Variants in ARAP2 observed in about 807,000 individuals in gnomAD.
The protein encoded by ARAP2 is arf-GAP with Rho-GAP domain, ANK repeat and PH domain-containing protein 2.
In ARAP2, 148 loss-of-function variants were observed where a neutral mutation model predicts 194.5. The observed-to-expected ratio is 0.76, with a 90% confidence interval of 0.67 to 0.87. ARAP2 has a LOEUF of 0.87. ARAP2 is among the 40% of genes least tolerant of loss of function. ARAP2 has a pLI of 0.00. For synonymous variants in ARAP2, 695 were observed against 683.5 expected, an observed-to-expected ratio of 1.02 and a Z score of -0.26; for missense variants, 2,128 against 1,989.7, an observed-to-expected ratio of 1.07 and a Z score of -1.32.
chr4:36,198,889 C>T (rs1380131470), intron 6 of ARAP2, among the ~76,000 whole-genome samples: 2 of 152,202 alleles, frequency 1.3e-5, no homozygotes, highest in African/African-American at 4.8e-5. Context: ...AGCTTCCAGC[C>T]TCCACCAAGA....
chr4:36,059,063 G>T (rs1223479752), intron 1 of ARAP2, among the ~76,000 whole-genome samples: 1 of 152,094 alleles, frequency 6.6e-6, no homozygotes, highest in Non-Finnish European at 1.5e-5. Flanking sequence ...GTGATGCTGA[G>T]GAACAGTATG....
At chr4:36,228,441 T>G (rs921573503) in intron 2 of ARAP2, 141 bp downstream of exon 2, 3 of 888,870 alleles carry the variant, frequency 3.4e-6, no homozygotes, top group African/African-American at 1.7e-5. Flanking sequence ...GATGAAGACT[T>G]TTTTTTTAAA....
At chr4:36,121,454 AC>A in intron 22 of ARAP2, 128 bp from the exon 23 acceptor site, 1 of 772,536 alleles carries the variant, frequency 1.3e-6, no homozygotes. Context: ...TACAGTGGTG[AC>A]TTAAAAGCAT....
At chr4:36,079,574 T>C (rs1046805114) in intron 31 of ARAP2, among the ~76,000 whole-genome samples, 1 of 152,166 alleles carries the variant, frequency 6.6e-6, no homozygotes, top group African/African-American at 2.4e-5. Flanking sequence ...ACTATATAAC[T>C]GTTCCTCAAA....
chr4:36,220,045 C>T (rs984756863), intron 2 of ARAP2, among the ~76,000 whole-genome samples: 3 of 152,144 alleles, frequency 2.0e-5, no homozygotes, highest in Non-Finnish European at 4.4e-5. Flanking sequence ...TATAAAGCTG[C>T]AATTGTTTCC....
At chr4:36,208,787 T>C (rs568709753) in intron 6 of ARAP2, among the ~76,000 whole-genome samples, 1 of 152,128 alleles carries the variant, frequency 6.6e-6, no homozygotes, top group South Asian at 2.1e-4. Context: ...CCAAGCCCCT[T>C]GGTTTATTTT....
chr4:36,079,304 G>A (rs560094956), intron 31 of ARAP2, among the ~76,000 whole-genome samples: 1 of 152,028 alleles, frequency 6.6e-6, no homozygotes, highest in Admixed American at 6.6e-5. Flanking sequence ...ATGGTAGAGA[G>A]ACAGGCTGAG....
At chr4:36,038,298 G>A (rs61795347) in intron 5 of ARAP2, among the ~76,000 whole-genome samples, 11,174 of 152,200 alleles carry the variant, frequency 0.073, 562 homozygotes, top group Middle Eastern at 0.19. Flanking sequence ...TTAGATAAAA[G>A]TACTACTTGT....
At chr4:36,218,445 A>G (rs1211135807) in intron 2 of ARAP2, among the ~76,000 whole-genome samples, 1 of 152,160 alleles carries the variant, frequency 6.6e-6, no homozygotes, top group Non-Finnish European at 1.5e-5. Flanking sequence ...AATATTAAAA[A>G]AAAAACAGAG....
At chr4:36,170,766 T>G (rs1736431141) in intron 9 of ARAP2, among the ~76,000 whole-genome samples, 1 of 152,188 alleles carries the variant, frequency 6.6e-6, no homozygotes, top group Admixed American at 6.5e-5. Flanking sequence ...GCAGCTACAG[T>G]CATTTTTTAA....
chr4:36,115,924 T>C (rs1326939590), intron 25 of ARAP2, among the ~76,000 whole-genome samples: 1 of 152,022 alleles, frequency 6.6e-6, no homozygotes, highest in Non-Finnish European at 1.5e-5. Flanking sequence ...AATTATAACT[T>C]CTGTTGTGAC....
chr4:36,050,530 CT>C (rs1169708699), intron 3 of ARAP2, among the ~76,000 whole-genome samples: 2 of 152,174 alleles, frequency 1.3e-5, no homozygotes, highest in Non-Finnish European at 2.9e-5. Context: ...TCTTTTCATT[CT>C]AATCTAAGAA....
At chr4:36,238,229 T>C (rs1752802643) in intron 1 of ARAP2, among the ~76,000 whole-genome samples, 1 of 152,204 alleles carries the variant, frequency 6.6e-6, no homozygotes, top group Non-Finnish European at 1.5e-5. Flanking sequence ...CCTCAACCAC[T>C]ACTTCTTTCC....
chr4:36,152,467 G>A (rs1205115918), intron 15 of ARAP2, among the ~76,000 whole-genome samples: 1 of 152,096 alleles, frequency 6.6e-6, no homozygotes, highest in Non-Finnish European at 1.5e-5. Flanking sequence ...ACGTCTAGAA[G>A]AATCTTTGTA....
chr4:36,106,476 T>C (rs928064629), intron 27 of ARAP2, among the ~76,000 whole-genome samples: 4 of 133,722 alleles, frequency 3.0e-5, no homozygotes, highest in Non-Finnish European at 6.8e-5. Flanking sequence ...GTATGTAAGA[T>C]ATAAAAGACA....
intron 2 of ARAP2, among the ~76,000 whole-genome samples, chr4:36,215,372 A>G (rs1439608372): frequency 6.6e-6 from 1 of 152,224 alleles, no homozygotes; most frequent in African/African-American, 2.4e-5. Flanking sequence ...TGTTGCTGGA[A>G]CTGGATATCT....
intron 6 of ARAP2, among the ~76,000 whole-genome samples, 176 bp from the exon 7 acceptor site, chr4:36,193,823 T>C (rs1742491331): frequency 6.6e-6 from 1 of 152,202 alleles, no homozygotes; most frequent in Non-Finnish European, 1.5e-5. Context: ...AATAGCATAA[T>C]AGTACTTTCT....
Position 36,059,482 on chromosome 4 carries a change from C to A in ARAP2, n.148-1339G>T, listed in dbSNP as rs140401372. Among the ~76,000 whole-genome samples the A allele has an allele frequency of 1.7e-3, 262 of 152,116 alleles. 3 individuals are homozygous for A. The highest frequency in any genetic ancestry group is 2.4e-3 in the Non-Finnish European group (161 of 67,990). ...AATATCTCTGCACCTGAGTCCCGGA[C>A]AAGGAAAGGCTGAGGAGCAAGTAAA... On this transcript the variant is annotated intron_variant and non_coding_transcript_variant, in intron 1 of 12. Transcript: ENST00000503225.
intron 19 of ARAP2, among the ~76,000 whole-genome samples, chr4:36,140,671 A>G (rs1390666153): frequency 1.3e-5 from 2 of 151,720 alleles, no homozygotes; most frequent in Non-Finnish European, 1.5e-5. Context: ...GATCATATGG[A>G]ATAAGGTGAT....
Sources: gnomAD v4.1 joint callset for allele counts (sites outside exome capture counted in the v4.1 genomes callset) on GRCh38, gnomAD v4.1.1 for gene constraint, MANE v1.5 for transcripts, NCBI Gene and HGNC (gene_info 2026-07-23, HGNC 2026-07-21) for gene names.